The following CDC14B variants were observed in gnomAD, a reference collection of about 807,000 sequenced individuals.
CDC14B encodes the protein dual specificity protein phosphatase CDC14B.
A neutral mutation model predicts 64.2 loss-of-function variants in CDC14B; 22 were observed. That is an observed-to-expected ratio of 0.34 (90% CI 0.24 to 0.49). The LOEUF (loss-of-function observed/expected upper bound fraction) is 0.49, where lower values mean the gene tolerates loss of function less well. Ranked by LOEUF, CDC14B falls within the 20% of genes least tolerant of loss-of-function variation. The pLI, the probability that CDC14B is intolerant of heterozygous loss-of-function variation, is 0.99. For synonymous variants in CDC14B, 191 were observed against 215.8 expected, an observed-to-expected ratio of 0.89 and a Z score of 1.01; for missense variants, 498 against 629.9, an observed-to-expected ratio of 0.79 and a Z score of 2.24.
At chr9:96,510,805 C>T (rs1466359289) in intron 12 of CDC14B, among the ~76,000 whole-genome samples, 1 of 152,022 alleles carries the variant, frequency 6.6e-6, no homozygotes, top group African/African-American at 2.4e-5. Context: ...GAGGCTTTGC[C>T]ATGTTGGCCA....
At chr9:96,545,034 G>C (rs535224227) in intron 5 of CDC14B, among the ~76,000 whole-genome samples, 39 of 152,162 alleles carry the variant, frequency 2.6e-4, no homozygotes, top group Non-Finnish European at 5.1e-4. Context: ...CACATCTACT[G>C]AATCAAAGTT....
chr9:96,596,905 AT>A (rs1389798476), intron 1 of CDC14B, among the ~76,000 whole-genome samples: 1 of 152,092 alleles, frequency 6.6e-6, no homozygotes, highest in African/African-American at 2.4e-5. Flanking sequence ...ATACAACAAC[AT>A]AAAATGGTCT....
At chr9:96,537,682 G>A (rs1839475543) in intron 7 of CDC14B, among the ~76,000 whole-genome samples, 1 of 152,214 alleles carries the variant, frequency 6.6e-6, no homozygotes, top group Non-Finnish European at 1.5e-5. Context: ...CATGCTAGAA[G>A]CCAATCCTAT....
intron 5 of CDC14B, among the ~76,000 whole-genome samples, chr9:96,543,710 T>C (rs1332019077): frequency 6.6e-6 from 1 of 152,176 alleles, no homozygotes; most frequent in Non-Finnish European, 1.5e-5. Context: ...TCTTCTGGAA[T>C]TAGGCAACAT....
At chr9:96,581,473 T>A (rs1013212911) in intron 1 of CDC14B, among the ~76,000 whole-genome samples, 3 of 148,968 alleles carry the variant, frequency 2.0e-5, no homozygotes, top group Admixed American at 6.6e-5. Flanking sequence ...TCTAAAAAAA[T>A]TAAATTAATT....
At chr9:96,573,748 TA>T (rs772908907) in intron 1 of CDC14B, among the ~76,000 whole-genome samples, 3 of 152,168 alleles carry the variant, frequency 2.0e-5, no homozygotes, top group Admixed American at 6.5e-5. Context: ...TTAAATGTAA[TA>T]AATTTACATG....
At chr9:96,510,539 T>C (rs1026482978) in intron 12 of CDC14B, among the ~76,000 whole-genome samples, 1 of 151,996 alleles carries the variant, frequency 6.6e-6, no homozygotes, top group Non-Finnish European at 1.5e-5. Context: ...TTTGGTTTTT[T>C]TTTTTCTTTC....
intron 3 of CDC14B, 63 bp downstream of exon 3, chr9:96,564,714 C>G: frequency 1.0e-6 from 1 of 960,964 alleles, no homozygotes; most frequent in Non-Finnish European, 1.6e-6. Flanking sequence ...AGATGTTTTC[C>G]TTACTTTCGT....
chr9:96,503,158 G>T lies in CDC14B; in HGVS notation c.*595C>A. 3.0e-6 allele frequency: 1 copy of T among 337,582 alleles called. No homozygotes were observed. The highest frequency in any genetic ancestry group is 5.3e-6 in the Non-Finnish European group (1 of 188,248). The allele number at this position is 337,582 out of a possible 1,614,324, so 20.9% of individuals were successfully genotyped here. A position where few individuals can be genotyped will look rare whatever the true frequency, so the allele number is the denominator to read the frequency against. On this transcript the variant is annotated 3_prime_UTR_variant, in exon 14 of 14. Coordinates refer to ENST00000375241, the MANE Select transcript of CDC14B (RefSeq NM_033331.4). ...TTACAACATGCAACAGTGTTTAAAT[G>T]TGATTTTCACAGATTCTTGTTAATA...
chr9:96,577,883 A>T (rs1321759883), intron 1 of CDC14B, among the ~76,000 whole-genome samples: 1 of 152,246 alleles, frequency 6.6e-6, no homozygotes, highest in Non-Finnish European at 1.5e-5. Context: ...AAACAGCCCA[A>T]ATGGGAACTT....
At chr9:96,577,633 C>A (rs982318987) in intron 1 of CDC14B, among the ~76,000 whole-genome samples, 1 of 152,144 alleles carries the variant, frequency 6.6e-6, no homozygotes, top group Non-Finnish European at 1.5e-5. Context: ...GACCACTAAT[C>A]CATGGTGCCA....
intron 4 of CDC14B, among the ~76,000 whole-genome samples, chr9:96,556,500 G>A (rs1281657095): frequency 6.6e-6 from 1 of 151,840 alleles, no homozygotes; most frequent in African/African-American, 2.4e-5. Flanking sequence ...CATAGCTCCT[G>A]CACAAAACTG....
chr9:96,605,509 T>A (rs145700802), intron 1 of CDC14B, among the ~76,000 whole-genome samples: 69 of 152,312 alleles, frequency 4.5e-4, no homozygotes, highest in Non-Finnish European at 8.7e-4. Context: ...CCCACAGTAG[T>A]AACCTGCCTG....
intron 6 of CDC14B, 35 bp from the exon 7 acceptor site, chr9:96,539,175 T>C (rs747614009): frequency 7.0e-7 from 1 of 1,437,946 alleles, no homozygotes; most frequent in Admixed American, 1.8e-5. Flanking sequence ...AGAACAAGGA[T>C]GCAAATAAGA....
In CDC14B at chr9:96,612,217, C is replaced by T. The variant is rs145354132; in HGVS notation, c.160+7002G>A. On this transcript the variant is annotated intron_variant, in intron 1 of 13. Coordinates refer to ENST00000375241, the MANE Select transcript of CDC14B (RefSeq NM_033331.4). ...ATCTGGAGCATTTCTGCCCTGAGCT[C>T]GCTCTCAGAAGCAGACAGAGGAACA... Among the ~76,000 whole-genome samples the T allele has an allele frequency of 1.9e-4, 29 of 152,342 alleles. No individual in the cohort carries two copies. The East Asian group carries it at 2.7e-3, about 14-fold the overall frequency.
At chr9:96,542,664 T>G (rs544772343) in intron 5 of CDC14B, among the ~76,000 whole-genome samples, 1 of 152,112 alleles carries the variant, frequency 6.6e-6, no homozygotes, top group South Asian at 2.1e-4. Context: ...AACTTTTTTT[T>G]TTTTTTTTAA....
At chr9:96,574,250 T>C (rs1230267509) in intron 1 of CDC14B, among the ~76,000 whole-genome samples, 2 of 151,798 alleles carry the variant, frequency 1.3e-5, no homozygotes, top group Non-Finnish European at 2.9e-5. Flanking sequence ...ACAGATATAA[T>C]AGGCAAAGAT....
rs1337104902 is a variant in CDC14B at position 96,503,738 on chromosome 9, G to T, written c.*15C>A. ...GTCCTAGAGTCTTCCTTCAGCTCTG[G>T]TCACAGGTTTTTACTTAACGCAAGA... On this transcript the variant is annotated 3_prime_UTR_variant, in exon 14 of 14. Coordinates refer to ENST00000375241, the MANE Select transcript of CDC14B (RefSeq NM_033331.4). 3 of 1,611,614 alleles carry T rather than the reference G, an allele frequency of 1.9e-6. No homozygotes were observed. Among genetic ancestry groups the T allele is most frequent in the Middle Eastern group, 1.7e-4 (1 of 6,054 alleles).
intron 1 of CDC14B, among the ~76,000 whole-genome samples, chr9:96,583,861 GGC>G (rs1211370864): frequency 2.0e-5 from 3 of 152,160 alleles, no homozygotes; most frequent in Non-Finnish European, 4.4e-5. Flanking sequence ...TGGGACTACA[GGC>G]GTCTACCACC....
Sources: gnomAD v4.1 joint callset for allele counts (sites outside exome capture counted in the v4.1 genomes callset) on GRCh38, gnomAD v4.1.1 for gene constraint, MANE v1.5 for transcripts, NCBI Gene and HGNC (gene_info 2026-07-23, HGNC 2026-07-21) for gene names.